Variants in PTPRG observed in about 807,000 individuals in gnomAD.
PTPRG encodes the protein receptor-type tyrosine-protein phosphatase gamma.
Under a neutral mutation model 165.3 loss-of-function variants are expected in PTPRG, and 102 were observed. The ratio of observed to expected loss-of-function variants is 0.62; its 90% CI spans 0.53 to 0.73. The LOEUF (loss-of-function observed/expected upper bound fraction) is 0.73, where lower values mean the gene tolerates loss of function less well. Ranked by LOEUF, PTPRG falls within the 30% of genes least tolerant of loss-of-function variation. The probability of loss-of-function intolerance (pLI) is 0.00; values close to 1 mark genes in which losing one functional copy is unlikely to be tolerated. For missense variants in PTPRG, 1,866 were observed against 1,861.4 expected, an observed-to-expected ratio of 1.00 and a Z score of -0.05; for synonymous variants, 675 against 669.5, an observed-to-expected ratio of 1.01 and a Z score of -0.13.
Position 62,202,290 on chromosome 3 carries a change from C to G in PTPRG, c.1377+736C>G, listed in dbSNP as rs143090118. ...GTTTAGTATGGTGGTAAGAACAAGC[C>G]GAGTCTTAGACCCAGGCAGCCCTGC... On this transcript the variant is annotated intron_variant, in intron 11 of 29. Coordinates refer to ENST00000474889, the MANE Select transcript of PTPRG (RefSeq NM_002841.4). 2.3e-3 allele frequency among the ~76,000 whole-genome samples: 354 copies of G among 152,206 alleles called. 1 individual carries two copies. Among genetic ancestry groups the G allele is most frequent in the African/African-American group, 7.8e-3 (324 of 41,524 alleles).
intron 26 of PTPRG, among the ~76,000 whole-genome samples, chr3:62,278,104 T>G (rs1370417430): frequency 2.0e-5 from 3 of 152,114 alleles, no homozygotes; most frequent in Non-Finnish European, 4.4e-5. Flanking sequence ...ACATACATAC[T>G]ATTATTATCT....
chr3:62,103,138 A>G (rs531667510), intron 5 of PTPRG, among the ~76,000 whole-genome samples: 84 of 149,164 alleles, frequency 5.6e-4, no homozygotes, highest in South Asian at 2.3e-3. Flanking sequence ...GCTGTTCCTC[A>G]TCAAGTTTTT....
chr3:62,048,032 A>G (rs1700352686), intron 4 of PTPRG, among the ~76,000 whole-genome samples: 1 of 152,164 alleles, frequency 6.6e-6, no homozygotes, highest in African/African-American at 2.4e-5. Flanking sequence ...TGGGAAGCTA[A>G]ACTGGCTTTT....
chr3:61,734,884 T>A (rs1357471504), intron 1 of PTPRG, among the ~76,000 whole-genome samples: 2 of 152,208 alleles, frequency 1.3e-5, no homozygotes, highest in Admixed American at 6.5e-5. Flanking sequence ...AATACTGAAC[T>A]GAAACTTTCA....
At chr3:62,097,310 T>C (rs1431551240) in intron 5 of PTPRG, among the ~76,000 whole-genome samples, 1 of 152,190 alleles carries the variant, frequency 6.6e-6, no homozygotes, top group African/African-American at 2.4e-5. Context: ...CAGTTCAGGA[T>C]GTTCTGCCAA....
At chr3:62,094,652 CTGCTGAGTTGCTCAGT>C (rs1278497862) in intron 5 of PTPRG, among the ~76,000 whole-genome samples, 1 of 152,222 alleles carries the variant, frequency 6.6e-6, no homozygotes, top group Non-Finnish European at 1.5e-5. Context: ...CTGGCAGCAC[CTGCTGAGTTGCTCAGT>C]ACCCAGAGCC....
chr3:62,277,450 A>G, intron 25 of PTPRG, 101 bp from the exon 26 acceptor site: 1 of 1,300,808 alleles, frequency 7.7e-7, no homozygotes, highest in South Asian at 1.3e-5. Context: ...ATTTTAGTGT[A>G]GTCAAAACAG....
chr3:61,572,092 T>G (rs1368235827), intron 1 of PTPRG, among the ~76,000 whole-genome samples: 3 of 152,226 alleles, frequency 2.0e-5, no homozygotes, highest in Non-Finnish European at 4.4e-5. Context: ...TGAGGTGCAC[T>G]TGTTGACTTT....
chr3:61,564,522 T>A (rs1343179079), intron 1 of PTPRG, among the ~76,000 whole-genome samples: 1 of 152,170 alleles, frequency 6.6e-6, no homozygotes, highest in Non-Finnish European at 1.5e-5. Context: ...ATAGCCCCTT[T>A]CCTGGTCCGG....
chr3:62,124,227 C>T (rs1703196123), intron 5 of PTPRG: 4 of 1,106,218 alleles, frequency 3.6e-6, no homozygotes, highest in Non-Finnish European at 5.6e-6. Flanking sequence ...GCTTTCCTGT[C>T]ATTTGACATT....
At chr3:62,276,938 C>G (rs1414251054) in intron 24 of PTPRG, 34 bp from the exon 25 acceptor site, 1 of 1,562,566 alleles carries the variant, frequency 6.4e-7, no homozygotes, top group South Asian at 1.1e-5. Context: ...TATAATAAGG[C>G]AAATGTGGTG....
intron 2 of PTPRG, among the ~76,000 whole-genome samples, chr3:61,919,243 G>A (rs1024657282): frequency 3.3e-5 from 5 of 152,154 alleles, no homozygotes; most frequent in East Asian, 3.9e-4. Context: ...TCGGTGCTGC[G>A]TTGAGGTTGG....
At chr3:61,622,471 T>G (rs1306289509) in intron 1 of PTPRG, among the ~76,000 whole-genome samples, 5 of 152,208 alleles carry the variant, frequency 3.3e-5, no homozygotes. Context: ...AGTGACAGAT[T>G]GCAGTACGTA....
chr3:61,955,230 A>G (rs749511539), intron 2 of PTPRG, among the ~76,000 whole-genome samples: 36 of 152,106 alleles, frequency 2.4e-4, no homozygotes, highest in Non-Finnish European at 4.4e-4. Flanking sequence ...CCAAGTCTTT[A>G]TTATTTGTGA....
At position 62,157,113 on chromosome 3, in the gene PTPRG, T is replaced by C. The variant is rs1388496513; in HGVS notation, c.729T>C (p.Pro243=). The change falls in exon 7 of 30, where the codon CCT becomes CCC. Residue 243 remains proline (P), a synonymous_variant. Transcript: ENST00000474889. ...LDPFVLRDLL[P]ASLGSYYRYT... ...CTTTCGTCCTCCGGGACCTCCTGCC[T>C]GCATCCCTGGGCAGCTATTATCGGT... The C allele has an allele frequency of 6.2e-7, 1 of 1,611,994 alleles. No individual in the cohort carries two copies. The highest frequency in any genetic ancestry group is 2.2e-5 in the East Asian group (1 of 44,862).
chr3:61,681,055 A>T (rs1703423253), intron 1 of PTPRG, among the ~76,000 whole-genome samples: 2 of 1,956 alleles, frequency 1.0e-3, no homozygotes, highest in Admixed American at 0.01. Flanking sequence ...TTTATGTTCT[A>T]AAAAAAAAAA....
intron 5 of PTPRG, among the ~76,000 whole-genome samples, chr3:62,110,265 G>C (rs558124823): frequency 9.9e-5 from 15 of 152,094 alleles, no homozygotes; most frequent in African/African-American, 3.6e-4. Flanking sequence ...AACTGAAAGA[G>C]ATGTGCTAAG....
intron 1 of PTPRG, among the ~76,000 whole-genome samples, chr3:61,726,480 A>G (rs1350103675): frequency 6.6e-6 from 1 of 152,160 alleles, no homozygotes; most frequent in Non-Finnish European, 1.5e-5. Flanking sequence ...ACTGCCATTA[A>G]ATGGATAACA....
chr3:61,565,420 C>G (rs1699886525), intron 1 of PTPRG, among the ~76,000 whole-genome samples: 2 of 152,138 alleles, frequency 1.3e-5, no homozygotes, highest in Non-Finnish European at 2.9e-5. Flanking sequence ...CTTCAACACT[C>G]ACAACTCAAT....
Sources: allele counts gnomAD v4.1 joint callset (sites outside exome capture counted in the v4.1 genomes callset), GRCh38; gene constraint gnomAD v4.1.1; transcripts MANE v1.5; gene names NCBI Gene and HGNC (gene_info 2026-07-23, HGNC 2026-07-21).